WDR7: variants seen among roughly 807,000 people sequenced by gnomAD.
The protein encoded by WDR7 is WD repeat-containing protein 7.
Under a neutral mutation model 169.4 loss-of-function variants are expected in WDR7, and 46 were observed. That is an observed-to-expected ratio of 0.27 (90% CI 0.21 to 0.35). WDR7 has a LOEUF of 0.35. WDR7 is among the 10% of genes least tolerant of loss of function. The pLI is 1.00. For missense variants in WDR7, 1,534 were observed against 1,859.3 expected (o/e 0.83, Z 3.22); for synonymous variants, 612 against 666.8 (o/e 0.92, Z 1.27).
downstream of WDR7, chr18:57,033,099 G>A (rs193087849): frequency 7.9e-5 from 12 of 152,024 alleles, no homozygotes; most frequent in East Asian, 1.5e-3. Flanking sequence ...TATGCCAAGC[G>A]TATGTTCTTT....
At chr18:56,658,681 C>T (rs1286625743) in intron 1 of WDR7, among the ~76,000 whole-genome samples, 1 of 152,036 alleles carries the variant, frequency 6.6e-6, no homozygotes, top group Non-Finnish European at 1.5e-5. Context: ...TTAGTTGGAG[C>T]AAAAAATTCA....
chr18:56,673,506 T>C (rs2025179663), intron 2 of WDR7, among the ~76,000 whole-genome samples: 1 of 152,154 alleles, frequency 6.6e-6, no homozygotes, highest in Admixed American at 6.5e-5. Flanking sequence ...TAGAACATTT[T>C]CATCACTTCC....
At chr18:56,776,033 C>T (rs1223039087) in intron 16 of WDR7, among the ~76,000 whole-genome samples, 1 of 152,002 alleles carries the variant, frequency 6.6e-6, no homozygotes, top group Non-Finnish European at 1.5e-5. Flanking sequence ...GCCATACGGT[C>T]CTTTTGCTTT....
At chr18:57,016,238 G>A (rs61597420) in intron 26 of WDR7, among the ~76,000 whole-genome samples, 4,321 of 152,112 alleles carry the variant, frequency 0.028, 204 homozygotes, top group African/African-American at 0.098. Context: ...GATCTTGGGG[G>A]TCATCAAGGT....
chr18:57,035,136 C>CATGTAGTA, the WDR7 span: 4 of 152,168 alleles, frequency 2.6e-5, no homozygotes, highest in Admixed American at 2.6e-4. Flanking sequence ...ACTACACATG[C>CATGTAGTA]CCCCCACTGG....
chr18:56,697,089 T>C (rs934575549), intron 12 of WDR7, among the ~76,000 whole-genome samples: 1 of 152,112 alleles, frequency 6.6e-6, no homozygotes, highest in Non-Finnish European at 1.5e-5. Flanking sequence ...TGTTTATTAA[T>C]CATGGGACTT....
intron 21 of WDR7, among the ~76,000 whole-genome samples, chr18:56,913,595 T>A (rs1599152486): frequency 6.9e-6 from 1 of 145,246 alleles, no homozygotes; most frequent in Non-Finnish European, 1.5e-5. Context: ...GAGACCAGCC[T>A]GGGCAACAGA....
At chr18:56,949,803 A>G (rs921690461) in intron 25 of WDR7, among the ~76,000 whole-genome samples, 2 of 152,336 alleles carry the variant, frequency 1.3e-5, no homozygotes, top group South Asian at 4.1e-4. Context: ...ATGTTGGTCC[A>G]CTGAGTTATG....
chr18:56,748,405 C>T (rs2043737136), intron 14 of WDR7, among the ~76,000 whole-genome samples: 2 of 152,014 alleles, frequency 1.3e-5, no homozygotes, highest in African/African-American at 4.8e-5. Context: ...ATCTTCTAAC[C>T]TCTTAATATA....
chr18:56,858,815 C>T (rs2045760114), intron 20 of WDR7, among the ~76,000 whole-genome samples: 2 of 152,192 alleles, frequency 1.3e-5, no homozygotes, highest in African/African-American at 4.8e-5. Context: ...TTGTTCTAAA[C>T]CCTTGAGCAA....
intron 21 of WDR7, among the ~76,000 whole-genome samples, chr18:56,889,958 G>C (rs1049725091): frequency 6.6e-6 from 1 of 152,082 alleles, no homozygotes; most frequent in Non-Finnish European, 1.5e-5. Context: ...CTACAATGCT[G>C]GCCAAGGTAC....
At chr18:57,007,334 T>A (rs750653205) in intron 26 of WDR7, among the ~76,000 whole-genome samples, 1 of 152,194 alleles carries the variant, frequency 6.6e-6, no homozygotes, top group Non-Finnish European at 1.5e-5. Flanking sequence ...GAGAAAAAAA[T>A]AATTATACTT....
intron 19 of WDR7, among the ~76,000 whole-genome samples, chr18:56,808,169 A>C (rs879507422): frequency 6.6e-6 from 1 of 152,140 alleles, no homozygotes; most frequent in Non-Finnish European, 1.5e-5. Context: ...ATTGTGGGGA[A>C]TGTGGGGCAG....
chr18:56,858,279 C>T (rs77365132), intron 20 of WDR7, among the ~76,000 whole-genome samples: 2,131 of 152,244 alleles, frequency 0.014, 28 homozygotes, highest in East Asian at 0.035. Context: ...ATGTTCACTG[C>T]CACTACCCTT....
At chr18:56,929,656 G>A (rs1187294677) in intron 22 of WDR7, among the ~76,000 whole-genome samples, 1 of 152,100 alleles carries the variant, frequency 6.6e-6, no homozygotes, top group Non-Finnish European at 1.5e-5. Flanking sequence ...CCCTTAATAA[G>A]GTGAGTGATT....
Position 56,814,111 on chromosome 18 carries a change from G to T in WDR7, c.3191-1920G>T, listed in dbSNP as rs142303269. ...ATCAAAAGACCTACGTCTCAATTCTGGTTCCTGAATTTAGTAGCCATATTA... is the reference window on the plus strand; with the variant it reads ...ATCAAAAGACCTACGTCTCAATTCTTGTTCCTGAATTTAGTAGCCATATTA... On this transcript the variant is annotated intron_variant, in intron 19 of 27. Transcript: ENST00000254442. Among the ~76,000 whole-genome samples the T allele has an allele frequency of 6.6e-5, 10 of 152,226 alleles. No homozygotes were observed. The East Asian group carries it at 1.9e-3, about 29-fold the overall frequency.
At chr18:56,810,322 T>C (rs1468004647) in intron 19 of WDR7, among the ~76,000 whole-genome samples, 1 of 152,156 alleles carries the variant, frequency 6.6e-6, no homozygotes, top group African/African-American at 2.4e-5. Flanking sequence ...TCTCAGTTTC[T>C]CCTACCCCTT....
rs2025561641 is a variant in WDR7, at chr18:56,691,203, T to G, written c.718-13T>G. ...AATATGGAGTAGATTGTGAATTTCT[T>G]TCTTCCTTGCAGGTGTTCGATGCCG... On this transcript the variant is annotated splice_polypyrimidine_tract_variant and intron_variant, in intron 7 of 27. Transcript: ENST00000254442. The G allele has an allele frequency of 2.5e-6, 4 of 1,600,976 alleles. No individual in the cohort carries two copies. In the East Asian group the frequency reaches 9.1e-5, roughly 37 times the overall value.
intron 20 of WDR7, among the ~76,000 whole-genome samples, chr18:56,817,080 C>T (rs1377225798): frequency 1.3e-5 from 2 of 152,074 alleles, no homozygotes; most frequent in Non-Finnish European, 2.9e-5. Context: ...CACAGTGGCT[C>T]ACACCTGTAA....
Sources: allele counts gnomAD v4.1 joint callset (sites outside exome capture counted in the v4.1 genomes callset), GRCh38; gene constraint gnomAD v4.1.1; transcripts MANE v1.5; gene names NCBI Gene and HGNC (gene_info 2026-07-23, HGNC 2026-07-21).